Variants in TYR observed in about 807,000 individuals in gnomAD.
TYR encodes the protein tyrosinase.
In TYR, 58 loss-of-function variants were observed where a neutral mutation model predicts 51.5. The observed-to-expected ratio is 1.13, with a 90% CI of 0.91 to 1.40. TYR has a LOEUF of 1.40. TYR is among the 40% of genes most tolerant of loss of function. The pLI is 0.00. For missense variants in TYR, 732 were observed against 647.4 expected, an observed-to-expected ratio of 1.13 and a Z score of -1.42; for synonymous variants, 263 against 235.2, an observed-to-expected ratio of 1.12 and a Z score of -1.08.
intron 3 of TYR, among the ~76,000 whole-genome samples, chr11:89,277,745 C>A (rs1944673104): frequency 6.6e-6 from 1 of 151,598 alleles, no homozygotes. Context: ...TGGTACCTGG[C>A]CCCTCAGTTG....
At chr11:89,273,749 AT>A (rs937782573) in intron 3 of TYR, among the ~76,000 whole-genome samples, 19 of 151,334 alleles carry the variant, frequency 1.3e-4, no homozygotes, top group African/African-American at 3.6e-4. Context: ...AAACAACATA[AT>A]TTTTTTTTCT....
chr11:89,284,849 A>T lies in TYR; in HGVS notation c.1261A>T (p.Asn421Tyr). Reference protein sequence around the residue: ...YPEANAPIGHNRESYMVPFIP... With the variant: ...YPEANAPIGHYRESYMVPFIP... ...AGAAGCCAATGCACCCATTGGACAT[A>T]ACCGGGAATCCTACATGGTTCCTTT... The change falls in exon 4 of 5, where the codon AAC (asparagine) becomes TAC (tyrosine). Residue 421 changes from asparagine (N) to tyrosine (Y), a missense_variant. Transcript: ENST00000263321. The T allele has an allele frequency of 6.2e-7, 1 of 1,612,064 alleles. No individual in the cohort carries two copies. The highest frequency in any genetic ancestry group is 8.5e-7 in the Non-Finnish European group (1 of 1,178,638).
chr11:89,243,457 T>C (rs1391716923), intron 3 of TYR, among the ~76,000 whole-genome samples: 1 of 152,178 alleles, frequency 6.6e-6, no homozygotes, highest in Non-Finnish European at 1.5e-5. Context: ...TACTCCAGTC[T>C]TTTGAGTCTC....
intron 3 of TYR, among the ~76,000 whole-genome samples, chr11:89,265,598 T>C (rs1052787013): frequency 5.9e-5 from 9 of 152,064 alleles, no homozygotes; most frequent in Non-Finnish European, 8.8e-5. Flanking sequence ...TCTTGAGATG[T>C]TTCTGAGTTT....
At chr11:89,188,244 C>A (rs1943401570) in intron 1 of TYR, among the ~76,000 whole-genome samples, 1 of 151,744 alleles carries the variant, frequency 6.6e-6, no homozygotes, top group African/African-American at 2.4e-5. Context: ...ATTAAATCTT[C>A]ATGACCATAC....
chr11:89,271,073 TAA>T (rs1163443230), intron 3 of TYR, among the ~76,000 whole-genome samples: 1 of 151,878 alleles, frequency 6.6e-6, no homozygotes, highest in Non-Finnish European at 1.5e-5. Flanking sequence ...TAGGAGAATA[TAA>T]AAGTTTAAAG....
At chr11:89,197,005 T>A (rs1943528379) in intron 2 of TYR, among the ~76,000 whole-genome samples, 1 of 152,250 alleles carries the variant, frequency 6.6e-6, no homozygotes, top group East Asian at 1.9e-4. Context: ...TGGTAATTGA[T>A]ATAAAATGAG....
intron 3 of TYR, chr11:89,283,911 T>G (rs1944749932): frequency 6.6e-6 from 1 of 151,756 alleles, no homozygotes; most frequent in Non-Finnish European, 1.5e-5. Context: ...GGCTACTGAG[T>G]AGCTCACAAA....
rs1166394691 is a variant in TYR, at chr11:89,178,344, A to G, written c.391A>G (p.Lys131Glu). 1.9e-6 allele frequency: 3 copies of G among 1,614,044 alleles called. No individual in the cohort carries two copies. The highest frequency in any genetic ancestry group is 2.5e-6 in the Non-Finnish European group (3 of 1,180,026). ...RNIFDLSAPEKDKFFAYLTLA... is the reference protein window; with the variant it reads ...RNIFDLSAPEEDKFFAYLTLA... ...CATCTTCGATTTGAGTGCCCCAGAG[A>G]AGGACAAATTTTTTGCCTACCTCAC... The change falls in exon 1 of 5, where the codon AAG (lysine) becomes GAG (glutamate). Residue 131 changes from lysine (K) to glutamate (E), a missense_variant. By Grantham distance (56) the Lys-to-Glu change is moderately conservative. Coordinates refer to ENST00000263321, the MANE Select transcript of TYR (RefSeq NM_000372.5).
intron 4 of TYR, among the ~76,000 whole-genome samples, chr11:89,287,338 G>A (rs1265041836): frequency 6.6e-6 from 1 of 151,614 alleles, no homozygotes; most frequent in African/African-American, 2.4e-5. Context: ...GGTCACTTTT[G>A]GATATATATT....
At chr11:89,212,994 G>C (rs1943781312) in intron 2 of TYR, among the ~76,000 whole-genome samples, 1 of 152,078 alleles carries the variant, frequency 6.6e-6, no homozygotes, top group Non-Finnish European at 1.5e-5. Flanking sequence ...TACTGAATGG[G>C]CAAAAACTGG....
At chr11:89,180,973 C>T (rs1443987598) in intron 1 of TYR, among the ~76,000 whole-genome samples, 1 of 152,154 alleles carries the variant, frequency 6.6e-6, no homozygotes, top group Non-Finnish European at 1.5e-5. Context: ...AAATAAAAAA[C>T]TGTTGCAAGG....
chr11:89,195,784 C>T (rs971550476), intron 2 of TYR, among the ~76,000 whole-genome samples: 8 of 151,808 alleles, frequency 5.3e-5, no homozygotes, highest in Non-Finnish European at 1.0e-4. Context: ...AATAGGGGAC[C>T]CTGTGCAGTG....
rs554279005 is a variant in TYR, at chr11:89,212,661, C to G, written c.1037-15162C>G. Among the ~76,000 whole-genome samples, 9 of 152,246 alleles carry G rather than the reference C, an allele frequency of 5.9e-5. No individual in the cohort carries two copies. In the South Asian group the frequency reaches 1.0e-3, roughly 18 times the overall value. ...AAAGGAGAATTTTAGGCCAATATCC[C>G]TGATGAACATCGATGCGAAAATCCT... On this transcript the variant is annotated intron_variant, in intron 2 of 4. Transcript: ENST00000263321.
intron 3 of TYR, among the ~76,000 whole-genome samples, chr11:89,259,085 A>G (rs1030919194): frequency 3.3e-5 from 5 of 152,078 alleles, no homozygotes; most frequent in African/African-American, 1.2e-4. Flanking sequence ...ACAGATATGG[A>G]AGTCTGGGCA....
At chr11:89,198,816 T>G (rs12804213) in intron 2 of TYR, among the ~76,000 whole-genome samples, 24,156 of 151,356 alleles carry the variant, frequency 0.16, 2,370 homozygotes, top group African/African-American at 0.28. Context: ...CATGCAGGTT[T>G]GTTACATATG....
chr11:89,244,002 CT>C (rs1944234431), intron 3 of TYR, among the ~76,000 whole-genome samples: 1 of 151,978 alleles, frequency 6.6e-6, no homozygotes, highest in Non-Finnish European at 1.5e-5. Flanking sequence ...TAATGGACCC[CT>C]GGTTGGTAGA....
intron 3 of TYR, among the ~76,000 whole-genome samples, chr11:89,272,950 G>T (rs538156556): frequency 6.6e-6 from 1 of 152,020 alleles, no homozygotes; most frequent in East Asian, 2.0e-4. Flanking sequence ...CCTTGCTCTG[G>T]ATTAGGCTTT....
intron 3 of TYR, among the ~76,000 whole-genome samples, chr11:89,272,483 A>T (rs1249977898): frequency 6.6e-6 from 1 of 151,692 alleles, no homozygotes; most frequent in Non-Finnish European, 1.5e-5. Flanking sequence ...TCACCTAAAC[A>T]TTGTTCTATT....
Sources: allele counts gnomAD v4.1 joint callset (sites outside exome capture counted in the v4.1 genomes callset), GRCh38; gene constraint gnomAD v4.1.1; transcripts MANE v1.5; gene names NCBI Gene and HGNC (gene_info 2026-07-23, HGNC 2026-07-21).